Variants in POLDIP3 observed in about 807,000 individuals in gnomAD.
POLDIP3 encodes polymerase delta-interacting protein 3.
POLDIP3 carries 14 observed loss-of-function variants against 45.1 expected under a neutral mutation model. The observed-to-expected ratio is 0.31, with a 90% CI of 0.20 to 0.49. The LOEUF (loss-of-function observed/expected upper bound fraction) is 0.49. Among genes scored for constraint, POLDIP3 ranks in the 20% least tolerant of loss-of-function variants. POLDIP3 has a pLI of 0.99. For missense variants in POLDIP3, 511 were observed against 538.8 expected (o/e 0.95, Z 0.51); for synonymous variants, 223 against 205.2 (o/e 1.09, Z -0.74).
At chr22:42,596,499 A>T (rs1242523849) in intron 4 of POLDIP3, 134 bp from the exon 5 acceptor site, 1 of 911,436 alleles carries the variant, frequency 1.1e-6, no homozygotes, top group East Asian at 2.7e-5. Flanking sequence ...AGAGGTCTGG[A>T]GCCAAAAAGG....
chr22:42,607,312 T>C (rs1057440885), intron 1 of POLDIP3, among the ~76,000 whole-genome samples: 1 of 152,230 alleles, frequency 6.6e-6, no homozygotes, highest in African/African-American at 2.4e-5. Flanking sequence ...GGGGTTTCGC[T>C]GTGTTGGCCG....
rs1215843441 is a variant in POLDIP3, at chr22:42,608,541, T to C, written c.60-5381A>G. Among the ~76,000 whole-genome samples the C allele has an allele frequency of 5.3e-5, 8 of 152,302 alleles. No individual in the cohort carries two copies. In the South Asian group the frequency reaches 1.2e-3, roughly 24 times the overall value. On this transcript the variant is annotated intron_variant, in intron 1 of 8. Coordinates refer to ENST00000252115, the MANE Select transcript of POLDIP3 (RefSeq NM_032311.5). The stretch of plus-strand genomic sequence containing the variant: ...CAATATGTTGTTAAACCCTTAAAAA[T>C]TTATACATATATATAAAGGAAGGAT...
At chr22:42,587,410 G>T in intron 8 of POLDIP3, 96 bp downstream of exon 8, 3 of 1,232,888 alleles carry the variant, frequency 2.4e-6, no homozygotes, top group Non-Finnish European at 3.5e-6. Context: ...CGGAATGGGG[G>T]GATGAAGGGG....
chr22:42,586,756 G>T (rs1601879737), intron 8 of POLDIP3, among the ~76,000 whole-genome samples: 1 of 152,078 alleles, frequency 6.6e-6, no homozygotes, highest in African/African-American at 2.4e-5. Context: ...TTTCAGCCCT[G>T]CCCCACACTA....
intron 1 of POLDIP3, among the ~76,000 whole-genome samples, chr22:42,605,068 C>T (rs1331177631): frequency 6.6e-6 from 1 of 152,218 alleles, no homozygotes; most frequent in African/African-American, 2.4e-5. Flanking sequence ...ATGGAATCTG[C>T]CAGCATCCTG....
intron 4 of POLDIP3, among the ~76,000 whole-genome samples, chr22:42,598,585 C>T (rs1230878188): frequency 1.3e-5 from 2 of 152,088 alleles, no homozygotes; most frequent in Non-Finnish European, 1.5e-5. Context: ...GTGGTTTCAC[C>T]GTGCTAGCCA....
chr22:42,583,954 A>G lies in POLDIP3; in HGVS notation c.*1837T>C, dbSNP rs1925128159. Reference sequence around the variant, plus strand: ...CCCTCAATGTACCAGATGGTCACCTATAGCACCAGCTCCAGATGGCCACGT... The same window carrying G: ...CCCTCAATGTACCAGATGGTCACCTGTAGCACCAGCTCCAGATGGCCACGT... On this transcript the variant is annotated 3_prime_UTR_variant, in exon 9 of 9. Transcript: ENST00000252115. 6.6e-6 allele frequency: 1 copy of G among 152,344 alleles called. No individual in the cohort carries two copies. The allele number at this position is 152,344 out of a possible 1,614,324, so 9.4% of individuals were successfully genotyped here.
At chr22:42,604,470 A>T (rs1926597278) in intron 1 of POLDIP3, among the ~76,000 whole-genome samples, 1 of 152,162 alleles carries the variant, frequency 6.6e-6, no homozygotes, top group Admixed American at 6.5e-5. Context: ...TTTTAACTCC[A>T]TGGGTGATTC....
chr22:42,612,686 C>T (rs747972043), intron 1 of POLDIP3, among the ~76,000 whole-genome samples: 3 of 152,066 alleles, frequency 2.0e-5, no homozygotes, highest in African/African-American at 7.2e-5. Context: ...ATTAGACAGT[C>T]GTGGTGTCGG....
intron 3 of POLDIP3, among the ~76,000 whole-genome samples, chr22:42,600,843 C>T (rs1388704807): frequency 2.0e-5 from 3 of 152,120 alleles, no homozygotes; most frequent in African/African-American, 7.2e-5. Context: ...GTGACTCATG[C>T]TTGTAATCCC....
chr22:42,590,916 A>G (rs912044746), intron 7 of POLDIP3, among the ~76,000 whole-genome samples: 5 of 152,144 alleles, frequency 3.3e-5, no homozygotes, highest in Non-Finnish European at 4.4e-5. Flanking sequence ...TACTAAAAAT[A>G]CAAAAAAATT....
At chr22:42,587,452 CAA>C in intron 8 of POLDIP3, 52 bp downstream of exon 8, 1 of 1,535,526 alleles carries the variant, frequency 6.5e-7, no homozygotes, top group Admixed American at 1.7e-5. Flanking sequence ...CCCATTAGAA[CAA>C]AAAGAGATGG....
Position 42,584,929 on chromosome 22 carries a change from C to A in POLDIP3, c.*862G>T, listed in dbSNP as rs956021304. 4.4e-6 allele frequency: 2 copies of A among 456,132 alleles called. No homozygotes were observed. The highest frequency in any genetic ancestry group is 2.3e-5 in the Admixed American group (1 of 42,560). 28.3% of individuals were successfully genotyped at this position (456,132 alleles called of 1,614,324 possible). On this transcript the variant is annotated 3_prime_UTR_variant, in exon 9 of 9. Transcript: ENST00000252115. Reference sequence around the variant, plus strand: ...AAGCACTGCACAATGGGAGGCTGAGCCTTTCAAAGGCCCAACCAGAAGAGA... The same window carrying A: ...AAGCACTGCACAATGGGAGGCTGAGACTTTCAAAGGCCCAACCAGAAGAGA...
chr22:42,614,240 A>G (rs1437735999), intron 1 of POLDIP3, among the ~76,000 whole-genome samples: 1 of 152,224 alleles, frequency 6.6e-6, no homozygotes, highest in East Asian at 1.9e-4. Flanking sequence ...CAGGACTGTA[A>G]AAGATTAAAT....
intron 4 of POLDIP3, among the ~76,000 whole-genome samples, chr22:42,598,070 G>A (rs1490261647): frequency 4.0e-5 from 6 of 149,946 alleles, no homozygotes; most frequent in Non-Finnish European, 5.9e-5. Context: ...GAGCCACCAC[G>A]CCGAGCCAGC....
At chr22:42,601,534 G>C (rs557098797) in intron 3 of POLDIP3, among the ~76,000 whole-genome samples, 1 of 151,810 alleles carries the variant, frequency 6.6e-6, no homozygotes, top group Non-Finnish European at 1.5e-5. Flanking sequence ...AGGCTGAGGC[G>C]GGGGGATCAC....
chr22:42,606,550 G>C (rs1346282473), intron 1 of POLDIP3, among the ~76,000 whole-genome samples: 1 of 152,214 alleles, frequency 6.6e-6, no homozygotes, highest in Non-Finnish European at 1.5e-5. Context: ...CTGAGCCCCA[G>C]ACTGCAATGT....
chr22:42,602,887 G>C lies in POLDIP3; in HGVS notation c.333C>G (p.Pro111=). ...TCTCCCGGGCATCAGCAACCTGGCG[G>C]GGCTTCTGGGGCACCGTGGTCTGCT... ...RKQQTTVPQK[P]RQVADAREKI... is the part of the protein sequence containing the mutation. Residue 111 remains proline, a synonymous_variant, in exon 2 of 9, where the codon CCC becomes CCG. Coordinates refer to ENST00000252115, the MANE Select transcript of POLDIP3 (RefSeq NM_032311.5). 6.2e-7 allele frequency: 1 copy of C among 1,613,858 alleles called. No homozygotes were observed. Among genetic ancestry groups the C allele is most frequent in the Non-Finnish European group, 8.5e-7 (1 of 1,180,000 alleles).
At position 42,599,781 on chromosome 22, in the gene POLDIP3, G is replaced by A. The variant is rs1399475339; in HGVS notation, c.550C>T (p.Leu184=). 1.9e-6 allele frequency: 3 copies of A among 1,606,778 alleles called. No homozygotes were observed. The highest frequency in any genetic ancestry group is 2.6e-6 in the Non-Finnish European group (3 of 1,174,194). Residue 184 remains leucine, a synonymous_variant, in exon 4 of 9, where the codon CTG becomes TTG. Coordinates refer to ENST00000252115, the MANE Select transcript of POLDIP3 (RefSeq NM_032311.5). ...GCTATACCATCATCATCTTCATCCA[G>A]GTCATATAAATTCTGAGAATATAAC... is the stretch of plus-strand genomic sequence containing the variant. ...NHQAKQNLYD[L]DEDDDGIASV... is the part of the protein sequence containing the mutation.
Sources: allele counts gnomAD v4.1 joint callset (sites outside exome capture counted in the v4.1 genomes callset), GRCh38; gene constraint gnomAD v4.1.1; transcripts MANE v1.5; gene names NCBI Gene and HGNC (gene_info 2026-07-23, HGNC 2026-07-21).